WWOX: variants seen among roughly 807,000 people sequenced by gnomAD.
WWOX encodes WW domain containing oxidoreductase.
WWOX carries 69 observed loss-of-function variants against 46.2 expected under a neutral mutation model. The observed-to-expected ratio is 1.49, with a 90% CI of 1.23 to 1.82. The LOEUF is 1.82. WWOX is among the 40% of genes most tolerant of loss of function. WWOX has a pLI of 0.00. For missense variants in WWOX, 919 were observed against 542.6 expected (o/e 1.69, Z -6.89); for synonymous variants, 359 against 202.6 (o/e 1.77, Z -6.56).
intron 8 of WWOX, among the ~76,000 whole-genome samples, chr16:78,923,722 G>C (rs545785284): frequency 6.8e-6 from 1 of 147,008 alleles, no homozygotes; most frequent in Non-Finnish European, 1.5e-5. Context: ...TATCTGCCTT[G>C]GAAATGTCAA....
intron 4 of WWOX, among the ~76,000 whole-genome samples, chr16:78,115,586 T>C (rs2032738505): frequency 6.6e-6 from 1 of 152,172 alleles, no homozygotes; most frequent in Non-Finnish European, 1.5e-5. Context: ...ACTGAGCATA[T>C]CATTTTCTTT....
chr16:79,208,371 G>T (rs978198501), intron 8 of WWOX, among the ~76,000 whole-genome samples: 2 of 120,864 alleles, frequency 1.7e-5, no homozygotes, highest in South Asian at 5.1e-4. Flanking sequence ...TCTGATAAAT[G>T]ATTGATTCTC....
At chr16:79,119,522 G>A (rs1284029290) in intron 8 of WWOX, among the ~76,000 whole-genome samples, 1 of 152,194 alleles carries the variant, frequency 6.6e-6, no homozygotes, top group Non-Finnish European at 1.5e-5. Context: ...GCAAATGAGT[G>A]ACGTTCATAT....
intron 6 of WWOX, among the ~76,000 whole-genome samples, chr16:78,417,040 G>GGTGTGTGTGTGTGT (rs143606762): frequency 0.054 from 8,153 of 151,326 alleles, 486 homozygotes; most frequent in East Asian, 0.17. Context: ...ACCCTTTGGG[G>GGTGTGTGTGTGTGT]GTGTGTGTGT....
Position 78,706,009 on chromosome 16 carries a change from G to A in WWOX, c.1056+273257G>A, listed in dbSNP as rs537267325. 8.3e-5 allele frequency among the ~76,000 whole-genome samples: 12 copies of A among 144,704 alleles called. No homozygotes were observed. The South Asian group carries it at 2.0e-3, about 24-fold the overall frequency. The allele number at this position is 144,704 out of a possible 152,430, so 94.9% of individuals were successfully genotyped here. A position where few individuals can be genotyped will look rare whatever the true frequency, so the allele number is the denominator to read the frequency against. On this transcript the variant is annotated intron_variant, in intron 8 of 8. Transcript: ENST00000566780. ...TCAGATAGGTGTGTATTCTCAAGAA[G>A]CTTTCATTCTAATGACACATACTTT... is the stretch of plus-strand genomic sequence containing the variant.
At chr16:78,914,574 A>C (rs2045197635) in intron 8 of WWOX, among the ~76,000 whole-genome samples, 1 of 151,910 alleles carries the variant, frequency 6.6e-6, no homozygotes. Context: ...ACTTTTAGGC[A>C]CTGTGAGTAT....
intron 5 of WWOX, among the ~76,000 whole-genome samples, chr16:78,206,888 GAGA>G (rs2036412880): frequency 6.6e-6 from 1 of 152,162 alleles, no homozygotes; most frequent in Non-Finnish European, 1.5e-5. Flanking sequence ...TTGCAAAATT[GAGA>G]TAATGATAAT....
chr16:79,148,749 A>C (rs1031235596), intron 8 of WWOX, among the ~76,000 whole-genome samples: 1 of 151,980 alleles, frequency 6.6e-6, no homozygotes. Context: ...AACCCACTGG[A>C]GTGTGTACCT....
At chr16:78,413,589 C>T (rs1444916125) in intron 6 of WWOX, among the ~76,000 whole-genome samples, 2 of 152,022 alleles carry the variant, frequency 1.3e-5, no homozygotes, top group African/African-American at 4.8e-5. Context: ...GGAATGTCAT[C>T]AGTTAAGGCT....
chr16:78,245,773 G>A (rs759362939), intron 5 of WWOX, among the ~76,000 whole-genome samples: 4 of 152,122 alleles, frequency 2.6e-5, no homozygotes, highest in African/African-American at 7.2e-5. Flanking sequence ...TAGTTCTTGC[G>A]GTACAGCGCA....
chr16:78,879,299 G>A (rs1325890749), intron 8 of WWOX, among the ~76,000 whole-genome samples: 2 of 152,152 alleles, frequency 1.3e-5, no homozygotes, highest in African/African-American at 4.8e-5. Context: ...ATGAGACACC[G>A]TAAGAGCTTG....
intron 8 of WWOX, among the ~76,000 whole-genome samples, chr16:78,468,706 C>G (rs1398275977): frequency 6.6e-6 from 1 of 152,122 alleles, no homozygotes; most frequent in Non-Finnish European, 1.5e-5. Flanking sequence ...CCTCAGTTTT[C>G]CTGTCTGCAA....
intron 8 of WWOX, among the ~76,000 whole-genome samples, chr16:79,093,198 A>C (rs2049000022): frequency 6.6e-6 from 1 of 152,218 alleles, no homozygotes; most frequent in Non-Finnish European, 1.5e-5. Context: ...ATCTATCAGA[A>C]AAACAAAACA....
chr16:78,336,535 T>A (rs2080892649), intron 5 of WWOX, among the ~76,000 whole-genome samples: 1 of 145,498 alleles, frequency 6.9e-6, no homozygotes, highest in Middle Eastern at 3.7e-3. Context: ...AGCCTACAGT[T>A]GACAGGCAGA....
intron 5 of WWOX, among the ~76,000 whole-genome samples, chr16:78,187,972 C>T (rs555348656): frequency 5.5e-4 from 83 of 152,146 alleles, no homozygotes; most frequent in Non-Finnish European, 1.0e-3. Context: ...TGGATGCATT[C>T]CAAGAATTTA....
intron 8 of WWOX, among the ~76,000 whole-genome samples, chr16:78,718,092 G>GTTTTTTTTTTTTTTTTTTTTTT: frequency 5.0e-5 from 7 of 139,604 alleles, no homozygotes; most frequent in South Asian, 2.2e-4. Flanking sequence ...GGTTCTGGTG[G>GTTTTTTTTTTTTTTTTTTTTTT]TTGTATTTTT....
At chr16:78,456,465 C>A (rs1457682316) in intron 8 of WWOX, among the ~76,000 whole-genome samples, 1 of 152,108 alleles carries the variant, frequency 6.6e-6, no homozygotes, top group African/African-American at 2.4e-5. Flanking sequence ...GAGCACTTAA[C>A]AAAATACTTT....
chr16:78,224,334 C>T (rs2036983339), intron 5 of WWOX, among the ~76,000 whole-genome samples: 1 of 151,384 alleles, frequency 6.6e-6, no homozygotes, highest in African/African-American at 2.4e-5. Context: ...TGGAACAAGT[C>T]ATTTTTTTGG....
At chr16:78,697,133 A>G in intron 8 of WWOX, among the ~76,000 whole-genome samples, 1 of 152,188 alleles carries the variant, frequency 6.6e-6, no homozygotes, top group East Asian at 1.9e-4. Context: ...ATGCGTGTGC[A>G]AGTATGTCTT....
Sources: gnomAD v4.1 joint callset for allele counts (sites outside exome capture counted in the v4.1 genomes callset) on GRCh38, gnomAD v4.1.1 for gene constraint, MANE v1.5 for transcripts, NCBI Gene and HGNC (gene_info 2026-07-23, HGNC 2026-07-21) for gene names.